Variants in CHRD observed in about 807,000 individuals in gnomAD.
CHRD encodes the protein chordin.
In CHRD, 69 loss-of-function variants were observed where a neutral mutation model predicts 113.7. That is an observed-to-expected ratio of 0.61 (90% confidence interval 0.50 to 0.74). The LOEUF (loss-of-function observed/expected upper bound fraction) is 0.74. Among genes scored for constraint, CHRD ranks in the 30% least tolerant of loss-of-function variants. The pLI is 0.00. For missense variants in CHRD, 1,194 were observed against 1,295.8 expected, an observed-to-expected ratio of 0.92 and a Z score of 1.21; for synonymous variants, 561 against 540.8, an observed-to-expected ratio of 1.04 and a Z score of -0.52.
chr3:184,383,738 C>A, intron 12 of CHRD, 96 bp downstream of exon 12: 13 of 1,101,968 alleles, frequency 1.2e-5, no homozygotes, highest in Non-Finnish European at 1.5e-5. Context: ...CATCCACTCA[C>A]TCATGGGTTC....
At chr3:184,383,669 C>T (rs1715825955) in intron 12 of CHRD, 27 bp downstream of exon 12, 2 of 1,581,212 alleles carry the variant, frequency 1.3e-6, no homozygotes, top group South Asian at 1.2e-5. Context: ...GAGCTGGACC[C>T]CAGGGCCCAA....
chr3:184,380,616 G>A lies in CHRD; in HGVS notation c.149-76G>A, dbSNP rs761831874. The A allele has an allele frequency of 2.5e-5, 31 of 1,246,734 alleles. No individual in the cohort carries two copies. The highest frequency in any genetic ancestry group is 2.2e-4 in the Middle Eastern group (1 of 4,638). The allele number at this position is 1,246,734 out of a possible 1,614,324, so 77.2% of individuals were successfully genotyped here. A position where few individuals can be genotyped will look rare whatever the true frequency, so the allele number is the denominator to read the frequency against. On this transcript the variant is annotated intron_variant, in intron 1 of 22. Coordinates refer to ENST00000204604, the Ensembl canonical transcript of CHRD. The surrounding 1 kb of genome is among the most constrained non-coding windows in gnomAD (Gnocchi z 6.3). ...CAGAAGGGCGCGGTGCCTGGGACCCGGGACCCGCGGGCAGCCCCCGGGGCG... is the reference window on the plus strand; with the variant it reads ...CAGAAGGGCGCGGTGCCTGGGACCCAGGACCCGCGGGCAGCCCCCGGGGCG...
intron 22 of CHRD, among the ~76,000 whole-genome samples, 182 bp downstream of exon 22, chr3:184,389,177 A>C (rs1201867452): frequency 6.6e-6 from 1 of 152,142 alleles, no homozygotes; most frequent in Non-Finnish European, 1.5e-5. Context: ...TTTCTTTACA[A>C]ATGAGATTTC....
In CHRD at chr3:184,380,362, G is replaced by GGAT; in HGVS notation, c.45_46insATG (p.Gly15_Leu16insMet). ...CCGCCGGCCCCGCTGCTGCTCCTCG[G>GGAT]GCTGCTGCTGCTCGGCTCCCGGCCG... is the stretch of plus-strand genomic sequence containing the variant. On this transcript the variant is annotated inframe_insertion, in exon 1 of 23. Coordinates refer to ENST00000204604, the Ensembl canonical transcript of CHRD. This position sits in a 1 kb window ranked among gnomAD's most constrained non-coding sequence, Gnocchi z 6.3. The GGAT allele has an allele frequency of 3.0e-6, 4 of 1,355,546 alleles. No individual in the cohort carries two copies. Among genetic ancestry groups the GGAT allele is most frequent in the Non-Finnish European group, 3.8e-6 (4 of 1,043,476 alleles). The allele number at this position is 1,355,546 out of a possible 1,614,324, so 84.0% of individuals were successfully genotyped here.
At chr3:184,389,333 C>G in intron 22 of CHRD, 34 bp from the exon 23 acceptor site, 1 of 1,606,582 alleles carries the variant, frequency 6.2e-7, no homozygotes, top group Non-Finnish European at 8.5e-7. Flanking sequence ...ACTCCCTCTC[C>G]CCTCCTCCAA....
chr3:184,386,496 A>G, exon 16 of CHRD: 1 of 1,539,354 alleles, frequency 6.5e-7, no homozygotes, highest in Non-Finnish European at 8.7e-7. Flanking sequence ...TCCCAGGTGC[A>G]CATAGCCAAC....
exon 14 of CHRD, chr3:184,385,056 C>A: frequency 2.5e-6 from 4 of 1,614,148 alleles, no homozygotes; most frequent in African/African-American, 1.3e-5. Flanking sequence ...GGTGCTACCC[C>A]CTGTGAAGAG....
chr3:184,387,877 C>A lies in CHRD; in HGVS notation c.2452-54C>A. 1 of 1,460,374 alleles carries A rather than the reference C, an allele frequency of 6.8e-7. No individual in the cohort carries two copies. Among genetic ancestry groups the A allele is most frequent in the Non-Finnish European group, 9.5e-7 (1 of 1,055,702 alleles). The allele number at this position is 1,460,374 out of a possible 1,614,324, so 90.5% of individuals were successfully genotyped here. ...GGTGTGGAATAGGAGAGGGAGTGGG[C>A]AGGAGGCTTATGTGCCCCCTGCCTG... On this transcript the variant is annotated intron_variant, in intron 19 of 22. Transcript: ENST00000204604. This position sits in a 1 kb window ranked among gnomAD's most constrained non-coding sequence, Gnocchi z 6.1.
rs1324123885 is a variant in CHRD, at chr3:184,381,747, G to C, written c.543G>C (p.Ser181=). 6.2e-7 allele frequency: 1 copy of C among 1,612,962 alleles called. No individual in the cohort carries two copies. Among genetic ancestry groups the C allele is most frequent in the Non-Finnish European group, 8.5e-7 (1 of 1,179,956 alleles). ...TGGCGCTGCTGACAGGGCCGAGGTC[G>C]CAGGCGGTGGCACGAGCCCGAGTCT... Residue 181 remains serine (S), a synonymous_variant, in exon 5 of 23, where the codon TCG becomes TCC. Transcript: ENST00000204604. This position sits in a 1 kb window ranked among gnomAD's most constrained non-coding sequence, Gnocchi z 4.7.
At chr3:184,385,615 G>A (rs575029770) in intron 14 of CHRD, among the ~76,000 whole-genome samples, 14 of 138,292 alleles carry the variant, frequency 1.0e-4, no homozygotes, top group Non-Finnish European at 1.4e-4. Flanking sequence ...GCAGTGAGCC[G>A]AGATGGCGCC....
At chr3:184,385,631 A>G (rs1003060313) in intron 14 of CHRD, among the ~76,000 whole-genome samples, 1 of 128,020 alleles carries the variant, frequency 7.8e-6, no homozygotes, top group African/African-American at 3.0e-5. Context: ...GCGCCATTGC[A>G]CTCCAGCCTG....
chr3:184,389,126 C>A (rs1333220378), intron 22 of CHRD, 131 bp downstream of exon 22: 9 of 694,578 alleles, frequency 1.3e-5, no homozygotes, highest in Admixed American at 2.5e-5. Context: ...CCATTCCAAT[C>A]CACCCTCACA....
At position 184,387,111 on chromosome 3, in the gene CHRD, A is replaced by G. The variant is rs759037629; in HGVS notation, c.2347+4A>G. 2 of 1,613,506 alleles carry G rather than the reference A, an allele frequency of 1.2e-6. No individual in the cohort carries two copies. Among genetic ancestry groups the G allele is most frequent in the South Asian group, 2.2e-5 (2 of 91,034 alleles). ...AGGAGCCGGGACCCAGGAGAGGGTG[A>G]GCTGGAAGGGTGCGTGCAGGGTGGG... On this transcript the variant is annotated splice_donor_region_variant and intron_variant, in intron 18 of 22. Coordinates refer to ENST00000204604, the Ensembl canonical transcript of CHRD. This position sits in a 1 kb window ranked among gnomAD's most constrained non-coding sequence, Gnocchi z 6.1.
At chr3:184,385,159 G>A in exon 14 of CHRD, 1 of 1,614,150 alleles carries the variant, frequency 6.2e-7, no homozygotes, top group Non-Finnish European at 8.5e-7. Flanking sequence ...TCAGAACAAG[G>A]CACTGTCACT....
rs765178293 is a variant in CHRD at position 184,381,809 on chromosome 3, A to G, written c.605A>G (p.Tyr202Cys). The G allele has an allele frequency of 4.3e-6, 7 of 1,612,606 alleles. No individual in the cohort carries two copies. In the East Asian group the frequency reaches 1.6e-4, roughly 36 times the overall value. The change falls in exon 5 of 23, where the codon TAC becomes TGC. Residue 202 changes from tyrosine (Y) to cysteine (C), a missense_variant. Tyr to Cys is a radical substitution (Grantham distance 194). Transcript: ENST00000204604. This position sits in a 1 kb window ranked among gnomAD's most constrained non-coding sequence, Gnocchi z 4.7. ...TCTAGCCTCCGCTTCTCTATCTCCTACAGGCGGTGAGAAAGGGGAAGGAGC... is the reference window on the plus strand; with the variant it reads ...TCTAGCCTCCGCTTCTCTATCTCCTGCAGGCGGTGAGAAAGGGGAAGGAGC...
Position 184,384,560 on chromosome 3 carries a change from G to A in CHRD, c.1464G>A (p.Leu488=), listed in dbSNP as rs752548333. 1 of 1,584,418 alleles carries A rather than the reference G, an allele frequency of 6.3e-7. No individual in the cohort carries two copies. The highest frequency in any genetic ancestry group is 8.6e-7 in the Non-Finnish European group (1 of 1,165,664). Residue 488 remains leucine (L), a synonymous_variant, in exon 13 of 23, where the codon CTG becomes CTA. Coordinates refer to ENST00000204604, the Ensembl canonical transcript of CHRD. This position sits in a 1 kb window ranked among gnomAD's most constrained non-coding sequence, Gnocchi z 4.4. ...AGGCCGTGGGTATCTGCCCTGGGCT[G>A]GGTGCCCGAGGGGCTCATATGCTGC...
At position 184,381,297 on chromosome 3, in the gene CHRD, G is replaced by A. The variant is rs745373807; in HGVS notation, c.315G>A (p.Glu105=). The change falls in exon 3 of 23, where the codon GAG becomes GAA. Residue 105 remains glutamate (E), a synonymous_variant. Transcript: ENST00000204604. This position sits in a 1 kb window ranked among gnomAD's most constrained non-coding sequence, Gnocchi z 4.7. Reference sequence around the variant, plus strand: ...TCAGCTGCAAGAACATCAAACCAGAGTGCCCAACCCCGGCCTGTGGGCAGC... The same window carrying A: ...TCAGCTGCAAGAACATCAAACCAGAATGCCCAACCCCGGCCTGTGGGCAGC... The A allele has an allele frequency of 1.2e-6, 2 of 1,612,390 alleles. No homozygotes were observed. Among genetic ancestry groups the A allele is most frequent in the Admixed American group, 1.7e-5 (1 of 59,942 alleles).
Position 184,381,134 on chromosome 3 carries a change from A to G in CHRD, c.253-101A>G. On this transcript the variant is annotated intron_variant, in intron 2 of 22. Transcript: ENST00000204604. This position sits in a 1 kb window ranked among gnomAD's most constrained non-coding sequence, Gnocchi z 4.7. ...CTTGTCTAGGGTCACGCAGCTTGTA[A>G]GTGGCAGAGCTGGCTGACTCTGCGG... 1 of 1,354,334 alleles carries G rather than the reference A, an allele frequency of 7.4e-7. No individual in the cohort carries two copies. Among genetic ancestry groups the G allele is most frequent in the South Asian group, 1.2e-5 (1 of 85,844 alleles). 83.9% of individuals were successfully genotyped at this position (1,354,334 alleles called of 1,614,324 possible).
Position 184,381,200 on chromosome 3 carries a change from C to T in CHRD, c.253-35C>T. 1 of 1,611,954 alleles carries T rather than the reference C, an allele frequency of 6.2e-7. No individual in the cohort carries two copies. Among genetic ancestry groups the T allele is most frequent in the Non-Finnish European group, 8.5e-7 (1 of 1,179,586 alleles). ...GGGGGTCTCATCAGTTGGCATCTTGCACTCACTTGGGTTTCCCGCCTTTTC... is the reference window on the plus strand; with the variant it reads ...GGGGGTCTCATCAGTTGGCATCTTGTACTCACTTGGGTTTCCCGCCTTTTC... On this transcript the variant is annotated intron_variant, in intron 2 of 22. Coordinates refer to ENST00000204604, the Ensembl canonical transcript of CHRD. This position sits in a 1 kb window ranked among gnomAD's most constrained non-coding sequence, Gnocchi z 4.7.
Sources: gnomAD v4.1 joint callset for allele counts (sites outside exome capture counted in the v4.1 genomes callset) on GRCh38, gnomAD v4.1.1 for gene constraint, Gnocchi (gnomAD v3.1) non-coding constraint, MANE v1.5 for transcripts, NCBI Gene and HGNC (gene_info 2026-07-23, HGNC 2026-07-21) for gene names.